NOL4: variants seen among roughly 807,000 people sequenced by gnomAD.
NOL4 encodes the protein cancer/testis antigen 125.
A neutral mutation model predicts 75.9 loss-of-function variants in NOL4; 17 were observed. That is an observed-to-expected ratio of 0.22 (90% CI 0.15 to 0.34). NOL4 has a LOEUF of 0.34. NOL4 is among the 10% of genes least tolerant of loss of function. NOL4 has a pLI of 1.00. For synonymous variants in NOL4, 292 were observed against 289.9 expected, an observed-to-expected ratio of 1.01 and a Z score of -0.07; for missense variants, 614 against 793.5, an observed-to-expected ratio of 0.77 and a Z score of 2.72.
chr18:33,895,655 T>A (rs918475143), intron 9 of NOL4, among the ~76,000 whole-genome samples: 5 of 151,886 alleles, frequency 3.3e-5, no homozygotes, highest in Non-Finnish European at 7.4e-5. Flanking sequence ...ATTTTTGGAA[T>A]AAGAAAAAAA....
At chr18:34,204,689 C>T (rs1390416634) in intron 1 of NOL4, among the ~76,000 whole-genome samples, 1 of 152,028 alleles carries the variant, frequency 6.6e-6, no homozygotes, top group Non-Finnish European at 1.5e-5. Flanking sequence ...ATGAATAAAC[C>T]CTAAGACATC....
At chr18:34,022,661 A>T (rs1239373334) in intron 5 of NOL4, among the ~76,000 whole-genome samples, 1 of 151,998 alleles carries the variant, frequency 6.6e-6, no homozygotes, top group African/African-American at 2.4e-5. Context: ...GTGATTTAAC[A>T]TTTGTGTTCT....
intron 2 of NOL4, among the ~76,000 whole-genome samples, chr18:34,120,293 C>A (rs143515249): frequency 6.6e-6 from 1 of 152,120 alleles, no homozygotes; most frequent in Admixed American, 6.5e-5. Flanking sequence ...CATTCTATAT[C>A]GACAGCACAG....
intron 6 of NOL4, among the ~76,000 whole-genome samples, chr18:33,998,550 G>A (rs2073458556): frequency 6.6e-6 from 1 of 152,090 alleles, no homozygotes; most frequent in Non-Finnish European, 1.5e-5. Flanking sequence ...TACATGATTT[G>A]TAGAGAAAAA....
intron 9 of NOL4, among the ~76,000 whole-genome samples, chr18:33,890,576 T>C (rs946638386): frequency 6.6e-6 from 1 of 152,064 alleles, no homozygotes; most frequent in African/African-American, 2.4e-5. Context: ...TGGTTCTCTA[T>C]AAAAAATGAT....
intron 9 of NOL4, among the ~76,000 whole-genome samples, chr18:33,942,321 G>C (rs1040137706): frequency 2.6e-5 from 4 of 151,802 alleles, no homozygotes; most frequent in Admixed American, 2.0e-4. Flanking sequence ...TGATAATTTA[G>C]ATTTTTACTA....
chr18:34,184,453 C>CT (rs2034299518), intron 1 of NOL4, among the ~76,000 whole-genome samples: 1 of 151,996 alleles, frequency 6.6e-6, no homozygotes, highest in African/African-American at 2.4e-5. Flanking sequence ...GTTGTTGCCA[C>CT]TACTTTGACA....
chr18:33,993,015 T>C (rs1411411053), intron 6 of NOL4, among the ~76,000 whole-genome samples: 1 of 151,920 alleles, frequency 6.6e-6, no homozygotes, highest in Non-Finnish European at 1.5e-5. Context: ...TGGAAGGAGA[T>C]TGGCAGATTA....
At chr18:33,856,044 C>G (rs1048226906) in intron 10 of NOL4, among the ~76,000 whole-genome samples, 6 of 151,966 alleles carry the variant, frequency 3.9e-5, no homozygotes, top group Admixed American at 2.6e-4. Flanking sequence ...AAAAATTAGA[C>G]TGAAGGTAAG....
intron 2 of NOL4, chr18:34,121,379 C>T (rs972552642): frequency 2.0e-5 from 3 of 152,122 alleles, no homozygotes; most frequent in African/African-American, 4.8e-5. Flanking sequence ...TGTTCAAAAC[C>T]TCCTAGACTT....
intron 1 of NOL4, among the ~76,000 whole-genome samples, chr18:34,183,283 C>T (rs1347319901): frequency 6.6e-6 from 1 of 151,726 alleles, no homozygotes; most frequent in Non-Finnish European, 1.5e-5. Flanking sequence ...TGCAAATAAG[C>T]ATAGGAAAAG....
At chr18:33,859,449 G>C (rs1008379527) in intron 10 of NOL4, among the ~76,000 whole-genome samples, 1 of 152,100 alleles carries the variant, frequency 6.6e-6, no homozygotes, top group Non-Finnish European at 1.5e-5. Flanking sequence ...AAATGCAAAT[G>C]TTTTTCTGGT....
intron 5 of NOL4, among the ~76,000 whole-genome samples, chr18:34,024,193 A>AT (rs1568233882): frequency 0.012 from 1,277 of 110,166 alleles, 38 homozygotes; most frequent in Middle Eastern, 0.044. Context: ...AAAAAAAAAA[A>AT]AATATATATA....
intron 1 of NOL4, among the ~76,000 whole-genome samples, chr18:34,212,225 T>C (rs973386375): frequency 2.6e-5 from 4 of 152,186 alleles, no homozygotes; most frequent in Non-Finnish European, 5.9e-5. Flanking sequence ...TTTATATACA[T>C]ACATATTCCT....
chr18:34,131,775 T>C (rs1004483308), intron 1 of NOL4, among the ~76,000 whole-genome samples: 8 of 152,180 alleles, frequency 5.3e-5, no homozygotes, highest in African/African-American at 1.9e-4. Context: ...TATCAATAAG[T>C]ATTCAACAAG....
At position 33,961,696 on chromosome 18, in the gene NOL4, G is replaced by A. The variant is rs770924809; in HGVS notation, c.1057-3278C>T. 3.9e-5 allele frequency among the ~76,000 whole-genome samples: 6 copies of A among 152,052 alleles called. No individual in the cohort carries two copies. In the Middle Eastern group the frequency reaches 0.01, roughly 259 times the overall value. Reference sequence around the variant, plus strand: ...AATTTAACTTGATGAGATAACCTCCGACACTGAGAAGAGTGGTAGAGAAGT... The same window carrying A: ...AATTTAACTTGATGAGATAACCTCCAACACTGAGAAGAGTGGTAGAGAAGT... On this transcript the variant is annotated intron_variant, in intron 6 of 10. Transcript: ENST00000261592.
chr18:33,955,629 A>G (rs2069586489), intron 8 of NOL4, among the ~76,000 whole-genome samples: 1 of 152,112 alleles, frequency 6.6e-6, no homozygotes, highest in South Asian at 2.1e-4. Context: ...TAAGGTTCAC[A>G]GTCCCGGTGT....
intron 5 of NOL4, among the ~76,000 whole-genome samples, chr18:34,067,229 A>C (rs1450259536): frequency 6.6e-6 from 1 of 152,174 alleles, no homozygotes; most frequent in Non-Finnish European, 1.5e-5. Flanking sequence ...GGGGCAAGAA[A>C]TGTAGTAGAT....
intron 5 of NOL4, among the ~76,000 whole-genome samples, chr18:34,071,440 C>CAG (rs758565464): frequency 2.7e-4 from 40 of 149,282 alleles, no homozygotes; most frequent in African/African-American, 3.7e-4. Context: ...GACAGACAGA[C>CAG]ACACACACAC....
Sources: allele counts gnomAD v4.1 joint callset (sites outside exome capture counted in the v4.1 genomes callset), GRCh38; gene constraint gnomAD v4.1.1; transcripts MANE v1.5; gene names NCBI Gene and HGNC (gene_info 2026-07-23, HGNC 2026-07-21).